The following TAOK1 variants were observed in gnomAD, a reference collection of about 807,000 sequenced individuals.
The protein encoded by TAOK1 is TAO kinase 1, also known as serine/threonine-protein kinase TAO1.
A neutral mutation model predicts 138.3 loss-of-function variants in TAOK1; 21 were observed. The observed-to-expected ratio is 0.15, with a 90% confidence interval of 0.11 to 0.22. The LOEUF (loss-of-function observed/expected upper bound fraction) is 0.22. Among genes scored for constraint, TAOK1 ranks in the 10% least tolerant of loss-of-function variants. The pLI is 1.00. For missense variants in TAOK1, 651 were observed against 1,227.7 expected, an observed-to-expected ratio of 0.53 and a Z score of 7.02; for synonymous variants, 361 against 398.4, an observed-to-expected ratio of 0.91 and a Z score of 1.12.
intron 1 of TAOK1, among the ~76,000 whole-genome samples, chr17:29,393,826 G>C (rs1367675618): frequency 6.6e-6 from 1 of 152,120 alleles, no homozygotes; most frequent in Non-Finnish European, 1.5e-5. Context: ...CAAACTAAAG[G>C]ATAGTATTGC....
chr17:29,427,102 G>A (rs998246359), intron 1 of TAOK1, among the ~76,000 whole-genome samples: 2 of 152,140 alleles, frequency 1.3e-5, no homozygotes, highest in African/African-American at 4.8e-5. Flanking sequence ...GCAGACATGG[G>A]GGTTTTGTGG....
intron 1 of TAOK1, among the ~76,000 whole-genome samples, chr17:29,398,433 G>T (rs984090813): frequency 6.6e-6 from 1 of 151,676 alleles, no homozygotes; most frequent in Non-Finnish European, 1.5e-5. Context: ...TCATGAACTC[G>T]TGACCTCAGG....
chr17:29,540,095 AT>A (rs139872875), intron 19 of TAOK1, among the ~76,000 whole-genome samples: 1,606 of 152,304 alleles, frequency 0.011, 33 homozygotes, highest in African/African-American at 0.037. Context: ...AAATGATAAA[AT>A]AAGAAATGTT....
intron 1 of TAOK1, among the ~76,000 whole-genome samples, chr17:29,432,804 AGTTGT>A (rs777927808): frequency 3.8e-4 from 58 of 151,378 alleles, no homozygotes; most frequent in Middle Eastern, 3.5e-3. Flanking sequence ...AGAGAGACAG[AGTTGT>A]GCTCTGTCTC....
intron 18 of TAOK1, among the ~76,000 whole-genome samples, chr17:29,533,551 A>G (rs1467731240): frequency 3.9e-5 from 6 of 152,106 alleles, no homozygotes; most frequent in Admixed American, 2.0e-4. Context: ...CCTGGGCACC[A>G]TTGAGCACTG....
intron 19 of TAOK1, among the ~76,000 whole-genome samples, chr17:29,538,326 T>C (rs1449404713): frequency 6.6e-6 from 1 of 152,182 alleles, no homozygotes; most frequent in Non-Finnish European, 1.5e-5. Flanking sequence ...TTTTAAAATA[T>C]GGTTTTATTC....
In TAOK1 at chr17:29,494,823, C is replaced by CT. The variant is rs2031379348; in HGVS notation, c.832-736dup. Among the ~76,000 whole-genome samples, 3 of 107,580 alleles carry CT rather than the reference C, an allele frequency of 2.8e-5. No individual in the cohort carries two copies. In the South Asian group the frequency reaches 9.5e-4, roughly 34 times the overall value. 70.6% of individuals were successfully genotyped at this position (107,580 alleles called of 152,430 possible). A position where few individuals can be genotyped will look rare whatever the true frequency, so the allele number is the denominator to read the frequency against. On this transcript the variant is annotated intron_variant, in intron 10 of 19. Transcript: ENST00000261716. ...CCTGGGCAACAGAGGGAGACTCCGTCTCAAAAAAAAAAAAAAAAAAAAAAA... is the reference window on the plus strand; with the variant it reads ...CCTGGGCAACAGAGGGAGACTCCGTCTTCAAAAAAAAAAAAAAAAAAAAAAA...
At chr17:29,465,903 G>A (rs923049162) in intron 2 of TAOK1, among the ~76,000 whole-genome samples, 1 of 116,896 alleles carries the variant, frequency 8.6e-6, no homozygotes, top group African/African-American at 3.4e-5. Flanking sequence ...CATCATGACA[G>A]CATTTTAAGG....
chr17:29,519,575 G>A (rs889249347), intron 16 of TAOK1, among the ~76,000 whole-genome samples: 7 of 152,090 alleles, frequency 4.6e-5, no homozygotes, highest in Non-Finnish European at 8.8e-5. Context: ...ATACCTGTGA[G>A]TATAGATAAA....
chr17:29,489,561 T>A, intron 8 of TAOK1, 103 bp from the exon 9 acceptor site: 2 of 740,384 alleles, frequency 2.7e-6, no homozygotes, highest in Non-Finnish European at 4.3e-6. Context: ...AGTTTAAGAT[T>A]GTTTCAAAAT....
At chr17:29,395,541 G>A (rs1474232620) in intron 1 of TAOK1, among the ~76,000 whole-genome samples, 1 of 151,344 alleles carries the variant, frequency 6.6e-6, no homozygotes, top group East Asian at 1.9e-4. Flanking sequence ...AAAACAAAAC[G>A]AAACAAATAA....
At chr17:29,539,298 C>CA (rs1378355638) in intron 19 of TAOK1, among the ~76,000 whole-genome samples, 2 of 151,934 alleles carry the variant, frequency 1.3e-5, no homozygotes, top group African/African-American at 4.8e-5. Flanking sequence ...GTGTAGGAAA[C>CA]AAAAAATTGC....
At chr17:29,398,698 G>GT (rs1367793854) in intron 1 of TAOK1, among the ~76,000 whole-genome samples, 2 of 150,908 alleles carry the variant, frequency 1.3e-5, no homozygotes, top group South Asian at 4.2e-4. Context: ...CCTGGCTAAT[G>GT]TTTTTGTTTT....
At chr17:29,475,010 G>A (rs140134414) in intron 3 of TAOK1, among the ~76,000 whole-genome samples, 3 of 151,856 alleles carry the variant, frequency 2.0e-5, no homozygotes, top group African/African-American at 4.8e-5. Flanking sequence ...GCTCGATCTC[G>A]GCTCACTGCA....
intron 6 of TAOK1, among the ~76,000 whole-genome samples, chr17:29,479,416 C>T (rs2031012684): frequency 1.3e-5 from 2 of 151,940 alleles, no homozygotes; most frequent in South Asian, 4.2e-4. Context: ...GAGAGATACC[C>T]ACAAGCTAGT....
At chr17:29,533,062 A>G (rs1370680877) in intron 18 of TAOK1, among the ~76,000 whole-genome samples, 26 of 61,578 alleles carry the variant, frequency 4.2e-4, no homozygotes, top group Non-Finnish European at 7.2e-4. Flanking sequence ...CCGGGCGGAG[A>G]TGCTCCTCAC....
chr17:29,503,139 G>A (rs1458209419), intron 13 of TAOK1, among the ~76,000 whole-genome samples: 1 of 152,180 alleles, frequency 6.6e-6, no homozygotes, highest in Admixed American at 6.5e-5. Context: ...GCTCATGCCT[G>A]TAATCCCAGC....
chr17:29,459,732 A>T (rs1377198920), intron 2 of TAOK1, among the ~76,000 whole-genome samples: 2 of 152,228 alleles, frequency 1.3e-5, no homozygotes, highest in Non-Finnish European at 1.5e-5. Context: ...TCTCTTTGAT[A>T]ATACTAATTT....
intron 2 of TAOK1, among the ~76,000 whole-genome samples, chr17:29,456,423 G>GTTTCT (rs1399256797): frequency 6.7e-6 from 1 of 150,300 alleles, no homozygotes; most frequent in Non-Finnish European, 1.5e-5. Flanking sequence ...TTCTTGGGAG[G>GTTTCT]TTTTTGATTA....
Sources: allele counts gnomAD v4.1 joint callset (sites outside exome capture counted in the v4.1 genomes callset), GRCh38; gene constraint gnomAD v4.1.1; transcripts MANE v1.5; gene names NCBI Gene and HGNC (gene_info 2026-07-23, HGNC 2026-07-21).